MAP3K13: variants seen among roughly 807,000 people sequenced by gnomAD.
MAP3K13 encodes the protein mitogen-activated protein kinase kinase kinase 13.
In MAP3K13, 52 loss-of-function variants were observed where a neutral mutation model predicts 104.0. The ratio of observed to expected loss-of-function variants is 0.50; its 90% CI spans 0.40 to 0.63. The LOEUF (loss-of-function observed/expected upper bound fraction) is 0.63. Ranked by LOEUF, MAP3K13 falls within the 20% of genes least tolerant of loss-of-function variation. MAP3K13 has a pLI of 0.00. For missense variants in MAP3K13, 914 were observed against 1,218.5 expected (o/e 0.75, Z 3.72); for synonymous variants, 394 against 442.2 (o/e 0.89, Z 1.37).
chr3:185,419,907 A>C (rs1674035620), intron 1 of MAP3K13, among the ~76,000 whole-genome samples: 1 of 152,174 alleles, frequency 6.6e-6, no homozygotes, highest in African/African-American at 2.4e-5. Flanking sequence ...TCTGAAAATG[A>C]AGTATCTTTA....
At position 185,480,530 on chromosome 3, in the gene MAP3K13, G is replaced by A. The variant is rs1718388847; in HGVS notation, c.2799+1G>A. On this transcript the variant is annotated splice_donor_variant, in intron 13 of 13. Coordinates refer to ENST00000265026, the MANE Select transcript of MAP3K13 (RefSeq NM_004721.5). LOFTEE classifies it high-confidence loss of function. ...GTGTGTGGAGGAACGTGGCTATGAG[G>A]TGGGGGCTTCTCCCTTCTCCTCCCA... 1 of 1,611,424 alleles carries A rather than the reference G, an allele frequency of 6.2e-7. No individual in the cohort carries two copies. Among genetic ancestry groups the A allele is most frequent in the Admixed American group, 1.7e-5 (1 of 59,988 alleles).
At chr3:185,354,564 G>GC (rs398106832) in intron 2 of MAP3K13, among the ~76,000 whole-genome samples, 2 of 92 alleles carry the variant, frequency 0.022, no homozygotes, top group Non-Finnish European at 0.048. Flanking sequence ...CTCAAGTAGA[G>GC]CTCATCAAGA....
chr3:185,311,185 A>T lies in MAP3K13; in HGVS notation c.-86+25542A>T, dbSNP rs148697204. Among the ~76,000 whole-genome samples, 808 of 152,202 alleles carry T rather than the reference A, an allele frequency of 5.3e-3. 12 individuals are homozygous for T. Among genetic ancestry groups the T allele is most frequent in the African/African-American group, 0.019 (779 of 41,522 alleles). On this transcript the variant is annotated intron_variant, in intron 2 of 14. Coordinates refer to the MAP3K13 transcript ENST00000424227. Reference sequence around the variant, plus strand: ...TAATCCTGTGTATTAGTTCATTTTCATGCTGCTAATAAAGACATACCTAAG... The same window carrying T: ...TAATCCTGTGTATTAGTTCATTTTCTTGCTGCTAATAAAGACATACCTAAG...
At chr3:185,290,584 T>C (rs1239956231) in intron 2 of MAP3K13, among the ~76,000 whole-genome samples, 1 of 152,200 alleles carries the variant, frequency 6.6e-6, no homozygotes, top group Non-Finnish European at 1.5e-5. Context: ...TGGGTGTTGC[T>C]TTCTGTTCTG....
intron 1 of MAP3K13, among the ~76,000 whole-genome samples, chr3:185,402,794 G>A (rs1712892357): frequency 6.6e-6 from 1 of 152,156 alleles, no homozygotes; most frequent in South Asian, 2.1e-4. Context: ...AACATCATTA[G>A]CAGAGATTAG....
chr3:185,455,616 A>ATATATGTGACATATATATCATATATAT (rs1386113405), intron 7 of MAP3K13, among the ~76,000 whole-genome samples: 2 of 111,802 alleles, frequency 1.8e-5, no homozygotes, highest in South Asian at 2.7e-4. Flanking sequence ...CATATATATG[A>ATATATGTGACATATATATCATATATAT]GATATATGAT....
intron 7 of MAP3K13, 94 bp downstream of exon 7, chr3:185,451,489 A>T (rs1293009055): frequency 2.6e-6 from 2 of 777,166 alleles, no homozygotes; most frequent in Non-Finnish European, 4.6e-6. Flanking sequence ...TGTGTTTGTT[A>T]TAATAGTTAT....
At chr3:185,318,837 T>C (rs1355796118) in intron 2 of MAP3K13, among the ~76,000 whole-genome samples, 3 of 152,212 alleles carry the variant, frequency 2.0e-5, no homozygotes, top group Non-Finnish European at 4.4e-5. Context: ...GTAAGGCTTA[T>C]GGAATAACTA....
At chr3:185,463,048 T>C (rs1717203739) in intron 7 of MAP3K13, among the ~76,000 whole-genome samples, 1 of 152,206 alleles carries the variant, frequency 6.6e-6, no homozygotes, top group South Asian at 2.1e-4. Context: ...TCTATTCTAA[T>C]TTCCTGCTGT....
At chr3:185,415,914 A>T (rs1289184236) in intron 1 of MAP3K13, among the ~76,000 whole-genome samples, 3 of 152,210 alleles carry the variant, frequency 2.0e-5, no homozygotes, top group Non-Finnish European at 4.4e-5. Flanking sequence ...ACAACTACGT[A>T]GTATTAATAT....
chr3:185,381,910 C>T (rs552414877), intron 1 of MAP3K13, among the ~76,000 whole-genome samples: 1 of 152,314 alleles, frequency 6.6e-6, no homozygotes, highest in Non-Finnish European at 1.5e-5. Flanking sequence ...GGAGCAATGG[C>T]TCAATATTCA....
intron 2 of MAP3K13, among the ~76,000 whole-genome samples, chr3:185,354,612 G>T (rs1028547643): frequency 6.6e-6 from 1 of 151,554 alleles, no homozygotes; most frequent in Non-Finnish European, 1.5e-5. Flanking sequence ...TAAGTATGGG[G>T]GGGGGGCAGG....
intron 2 of MAP3K13, among the ~76,000 whole-genome samples, chr3:185,348,019 A>G (rs563995887): frequency 6.6e-6 from 1 of 151,820 alleles, no homozygotes; most frequent in East Asian, 1.9e-4. Context: ...TCTCAAAAAA[A>G]AAAAAAAAGA....
At chr3:185,310,476 A>G (rs1487068788) in intron 2 of MAP3K13, among the ~76,000 whole-genome samples, 2 of 152,224 alleles carry the variant, frequency 1.3e-5, no homozygotes, top group Non-Finnish European at 2.9e-5. Flanking sequence ...TATGATTGAT[A>G]TATTACAGGA....
At chr3:185,284,541 C>G (rs1427194009) in intron 1 of MAP3K13, among the ~76,000 whole-genome samples, 1 of 151,988 alleles carries the variant, frequency 6.6e-6, no homozygotes, top group Non-Finnish European at 1.5e-5. Flanking sequence ...CATGGTGAAA[C>G]CCCATCTCTA....
chr3:185,425,742 A>G (rs1379283711), intron 1 of MAP3K13, among the ~76,000 whole-genome samples: 1 of 152,142 alleles, frequency 6.6e-6, no homozygotes, highest in African/African-American at 2.4e-5. Flanking sequence ...CTGTTTCCCC[A>G]TACTACCTGG....
chr3:185,327,886 G>A (rs944245635), intron 2 of MAP3K13, among the ~76,000 whole-genome samples: 9 of 151,262 alleles, frequency 5.9e-5, no homozygotes, highest in African/African-American at 1.9e-4. Context: ...CACTCCAGCC[G>A]GGACAACAGA....
At chr3:185,454,554 C>T (rs1235510378) in intron 7 of MAP3K13, among the ~76,000 whole-genome samples, 28 of 16,270 alleles carry the variant, frequency 1.7e-3, no homozygotes, top group Non-Finnish European at 4.6e-3. Context: ...ATGATATATA[C>T]ACATATATAT....
At chr3:185,390,835 A>G (rs533824917) in intron 1 of MAP3K13, among the ~76,000 whole-genome samples, 10 of 151,936 alleles carry the variant, frequency 6.6e-5, no homozygotes, top group African/African-American at 2.2e-4. Flanking sequence ...GTTGGCCAGG[A>G]TGGTCTCGAT....
Sources: gnomAD v4.1 joint callset for allele counts (sites outside exome capture counted in the v4.1 genomes callset) on GRCh38, gnomAD v4.1.1 for gene constraint, MANE v1.5 for transcripts, NCBI Gene and HGNC (gene_info 2026-07-23, HGNC 2026-07-21) for gene names.